The following ANKRD44 variants were observed in gnomAD, a reference collection of about 807,000 sequenced individuals.
ANKRD44 encodes the protein serine/threonine-protein phosphatase 6 regulatory ankyrin repeat subunit B.
In ANKRD44, 35 loss-of-function variants were observed where a neutral mutation model predicts 116.0. The observed-to-expected ratio is 0.30, with a 90% confidence interval of 0.23 to 0.40. ANKRD44 has a LOEUF of 0.40. ANKRD44 is among the 10% of genes least tolerant of loss of function. ANKRD44 has a pLI of 1.00. For synonymous variants in ANKRD44, 435 were observed against 461.8 expected (o/e 0.94, Z 0.74); for missense variants, 1,014 against 1,242.6 (o/e 0.82, Z 2.77).
intron 2 of ANKRD44, among the ~76,000 whole-genome samples, chr2:197,152,738 C>G (rs574324608): frequency 6.6e-6 from 1 of 152,146 alleles, no homozygotes. Flanking sequence ...GGGCACCCTA[C>G]GCCTGTTTTG....
intron 1 of ANKRD44, among the ~76,000 whole-genome samples, chr2:197,282,491 C>A (rs2083293721): frequency 6.6e-6 from 1 of 151,956 alleles, no homozygotes. Context: ...CCAGTTGGGG[C>A]TGTTGGAATG....
intron 16 of ANKRD44, among the ~76,000 whole-genome samples, chr2:197,026,204 T>A (rs981078641): frequency 6.6e-6 from 1 of 152,214 alleles, no homozygotes; most frequent in Non-Finnish European, 1.5e-5. Flanking sequence ...GCCCTGACAC[T>A]GTTCCCTGCA....
chr2:196,985,107 C>T (rs2075827759), downstream of ANKRD44, among the ~76,000 whole-genome samples: 2 of 152,218 alleles, frequency 1.3e-5, no homozygotes, highest in South Asian at 4.1e-4. Context: ...TGGGAAGGCC[C>T]ATCTGGCAAG....
At chr2:196,983,399 C>T (rs1450245635), downstream of ANKRD44, among the ~76,000 whole-genome samples, 2 of 152,170 alleles carry the variant, frequency 1.3e-5, no homozygotes, top group African/African-American at 4.8e-5. Flanking sequence ...GGCCCCATTT[C>T]TGTTCCTAGA....
At chr2:197,031,466 C>T (rs1338738337) in intron 16 of ANKRD44, among the ~76,000 whole-genome samples, 2 of 152,206 alleles carry the variant, frequency 1.3e-5, no homozygotes, top group African/African-American at 4.8e-5. Flanking sequence ...GCCTCACCCT[C>T]CTGAGTAGCT....
rs1165221641 is a variant in ANKRD44 at position 197,310,715 on chromosome 2, C to T, written c.-111G>A. On this transcript the variant is annotated 5_prime_UTR_variant, in exon 1 of 28. Transcript: ENST00000282272. ...AGGAGAAGGGAAAAAATCTGGCTCC[C>T]GAATTTGACAGCCCTCCCCCTGCTC... 5 of 1,158,046 alleles carry T rather than the reference C, an allele frequency of 4.3e-6. No individual in the cohort carries two copies. The highest frequency in any genetic ancestry group is 3.3e-5 in the South Asian group (2 of 61,088). 71.7% of individuals were successfully genotyped at this position (1,158,046 alleles called of 1,614,324 possible).
intron 2 of ANKRD44, among the ~76,000 whole-genome samples, chr2:197,183,724 A>G (rs11896142): frequency 0.29 from 44,557 of 151,960 alleles, 7,289 homozygotes; most frequent in African/African-American, 0.43. Flanking sequence ...TGTGGATCCC[A>G]AAAAGTGGTA....
At chr2:197,245,997 A>G (rs886975617) in intron 1 of ANKRD44, among the ~76,000 whole-genome samples, 2 of 152,186 alleles carry the variant, frequency 1.3e-5, no homozygotes, top group Non-Finnish European at 2.9e-5. Flanking sequence ...ATCCCTAATG[A>G]CCTGCTGTGT....
chr2:197,237,762 C>T (rs1444112108), intron 1 of ANKRD44, among the ~76,000 whole-genome samples: 1 of 152,194 alleles, frequency 6.6e-6, no homozygotes, highest in Non-Finnish European at 1.5e-5. Flanking sequence ...AAATCAGCTC[C>T]TCTAAAATAA....
At chr2:196,999,589 T>TATTTATTA (rs2076077303) in intron 23 of ANKRD44, among the ~76,000 whole-genome samples, 5 of 150,206 alleles carry the variant, frequency 3.3e-5, no homozygotes, top group Non-Finnish European at 7.4e-5. Flanking sequence ...TTTATTTATT[T>TATTTATTA]ATTTATTTAT....
chr2:197,017,848 G>C (rs1331156002), intron 17 of ANKRD44, among the ~76,000 whole-genome samples: 1 of 152,220 alleles, frequency 6.6e-6, no homozygotes, highest in Non-Finnish European at 1.5e-5. Flanking sequence ...GAACAAGGAA[G>C]GGCTCTGGAT....
intron 16 of ANKRD44, among the ~76,000 whole-genome samples, chr2:197,054,847 T>C (rs566099805): frequency 1.3e-5 from 2 of 152,312 alleles, no homozygotes; most frequent in Admixed American, 6.5e-5. Context: ...TTAGAGGCCA[T>C]AGAATATGGG....
intron 13 of ANKRD44, among the ~76,000 whole-genome samples, chr2:197,085,305 G>A (rs2077893688): frequency 6.6e-6 from 1 of 152,156 alleles, no homozygotes; most frequent in Admixed American, 6.5e-5. Context: ...AAGATAGGGA[G>A]AAAATGATAC....
At chr2:197,183,079 A>C (rs1373128863) in intron 2 of ANKRD44, among the ~76,000 whole-genome samples, 4 of 152,176 alleles carry the variant, frequency 2.6e-5, no homozygotes, top group Non-Finnish European at 5.9e-5. Flanking sequence ...TCAATGAGTC[A>C]AGTCATGTGG....
chr2:197,157,495 T>G (rs1574571879), intron 2 of ANKRD44, among the ~76,000 whole-genome samples: 2 of 151,728 alleles, frequency 1.3e-5, no homozygotes, highest in African/African-American at 4.8e-5. Flanking sequence ...GCCAACATGG[T>G]GAAACTCCCT....
chr2:197,063,821 G>T (rs752726711), intron 16 of ANKRD44, among the ~76,000 whole-genome samples: 3 of 152,200 alleles, frequency 2.0e-5, no homozygotes, highest in African/African-American at 7.2e-5. Flanking sequence ...CCAAATCTAC[G>T]TCTGATTGGT....
chr2:197,019,396 T>C (rs2076452668), intron 17 of ANKRD44, among the ~76,000 whole-genome samples: 1 of 152,248 alleles, frequency 6.6e-6, no homozygotes, highest in Admixed American at 6.5e-5. Flanking sequence ...AATAGCTAAC[T>C]TTTATGGAGC....
At chr2:197,168,653 A>G (rs975781800) in intron 2 of ANKRD44, among the ~76,000 whole-genome samples, 3 of 151,942 alleles carry the variant, frequency 2.0e-5, no homozygotes, top group African/African-American at 7.3e-5. Context: ...TCTTCTCCCT[A>G]TTGCTCAGGC....
downstream of ANKRD44, among the ~76,000 whole-genome samples, chr2:196,981,679 C>T (rs1224071525): frequency 6.6e-6 from 1 of 152,092 alleles, no homozygotes; most frequent in Non-Finnish European, 1.5e-5. Flanking sequence ...ACTTGAGAGG[C>T]TGAGGCAGGA....
Sources: allele counts gnomAD v4.1 joint callset (sites outside exome capture counted in the v4.1 genomes callset), GRCh38; gene constraint gnomAD v4.1.1; transcripts MANE v1.5; gene names NCBI Gene and HGNC (gene_info 2026-07-23, HGNC 2026-07-21).